The following CHST15 variants were observed in gnomAD, a reference collection of about 807,000 sequenced individuals.
The protein encoded by CHST15 is carbohydrate sulfotransferase 15, also known as B cell RAG associated protein (GALNAC4S-6ST).
In CHST15, 30 loss-of-function variants were observed where a neutral mutation model predicts 53.6. That is an observed-to-expected ratio of 0.56 (90% CI 0.42 to 0.76). The LOEUF is 0.76. Ranked by LOEUF, CHST15 falls within the 30% of genes least tolerant of loss-of-function variation. CHST15 has a pLI of 0.00. For missense variants in CHST15, 627 were observed against 740.5 expected (o/e 0.85, Z 1.78); for synonymous variants, 296 against 289.8 (o/e 1.02, Z -0.22).
At chr10:124,075,639 A>G (rs1949053086) in intron 1 of CHST15, among the ~76,000 whole-genome samples, 1 of 152,122 alleles carries the variant, frequency 6.6e-6, no homozygotes, top group African/African-American at 2.4e-5. Flanking sequence ...CTTCCAATAA[A>G]AAAGTAACTT....
chr10:124,066,579 A>G (rs187934970), intron 1 of CHST15, among the ~76,000 whole-genome samples: 158 of 152,374 alleles, frequency 1.0e-3, no homozygotes, highest in Admixed American at 2.4e-3. Context: ...ACATCGCTGG[A>G]AAGTCTTTGG....
At chr10:124,092,794 C>T (rs1357294872) in intron 1 of CHST15, among the ~76,000 whole-genome samples, 2 of 152,238 alleles carry the variant, frequency 1.3e-5, no homozygotes, top group Non-Finnish European at 2.9e-5. Context: ...ATCCCCGTCC[C>T]CTACCGCCAA....
rs72833838 is a variant in CHST15 at position 124,029,609 on chromosome 10, C to A, written c.1191-8197G>T. Among the ~76,000 whole-genome samples the A allele has an allele frequency of 6.5e-3, 983 of 152,342 alleles. 3 individuals are homozygous for A. Among genetic ancestry groups the A allele is most frequent in the Middle Eastern group, 0.017 (5 of 294 alleles). On this transcript the variant is annotated intron_variant, in intron 5 of 7. Transcript: ENST00000435907. ...ACATCTCCGAGCCTGGCGTGGTTTACAAAGCACCTTCTCGTGATTCACCAG... is the reference window on the plus strand; with the variant it reads ...ACATCTCCGAGCCTGGCGTGGTTTAAAAAGCACCTTCTCGTGATTCACCAG...
chr10:124,036,254 A>C lies in CHST15; in HGVS notation c.1190+2261T>G, dbSNP rs1261005047. ...GGCTAGTGTGCGTCAGCCCTGCTGG[A>C]TGGAGGGAGACCACTCAGCAGGGCC... On this transcript the variant is annotated intron_variant, in intron 5 of 7. Transcript: ENST00000435907. The surrounding 1 kb of genome is among the most constrained non-coding windows in gnomAD (Gnocchi z 5.1). Among the ~76,000 whole-genome samples the C allele has an allele frequency of 6.6e-6, 1 of 152,148 alleles. No individual in the cohort carries two copies. The highest frequency in any genetic ancestry group is 1.9e-4 in the East Asian group (1 of 5,182).
At chr10:124,051,483 A>G (rs375538201) in intron 1 of CHST15, among the ~76,000 whole-genome samples, 1 of 152,320 alleles carries the variant, frequency 6.6e-6, no homozygotes, top group East Asian at 1.9e-4. Context: ...TTCAGAAAGG[A>G]GTCATGTATG....
chr10:124,015,913 G>A (rs1034659429), intron 6 of CHST15, among the ~76,000 whole-genome samples: 1 of 152,238 alleles, frequency 6.6e-6, no homozygotes, highest in Admixed American at 6.5e-5. Flanking sequence ...ACGAAGGAGG[G>A]AGTGGTGACG....
Position 124,009,537 on chromosome 10 carries a change from AG to A in CHST15, c.*611del. 1 of 988,706 alleles carries A rather than the reference AG, an allele frequency of 1.0e-6. No individual in the cohort carries two copies. The highest frequency in any genetic ancestry group is 1.2e-6 in the Non-Finnish European group (1 of 831,836). The allele number at this position is 988,706 out of a possible 1,614,324, so 61.2% of individuals were successfully genotyped here. A position where few individuals can be genotyped will look rare whatever the true frequency, so the allele number is the denominator to read the frequency against. Reference sequence around the variant, plus strand: ...AACTGGAGGGCTGAGTTTGGAGTAAAGGAGAAAAAAAAAATGAAGAGCCTCC... The same window carrying A: ...AACTGGAGGGCTGAGTTTGGAGTAAAGAGAAAAAAAAAATGAAGAGCCTCC... On this transcript the variant is annotated 3_prime_UTR_variant, in exon 8 of 8. Transcript: ENST00000435907.
intron 7 of CHST15, chr10:124,011,611 C>A: frequency 1.0e-6 from 1 of 985,454 alleles, no homozygotes; most frequent in Non-Finnish European, 1.2e-6. Context: ...GGTGCCCCGT[C>A]CACATGGGCA....
intron 5 of CHST15, among the ~76,000 whole-genome samples, chr10:124,034,814 CGGCTCCGCCCCCTAACGGGGACCCT>C (rs1947384797): frequency 7.1e-6 from 1 of 141,440 alleles, no homozygotes. Flanking sequence ...ACGGGGACCC[CGGCTCCGCCCCCTAACGGGGACCCT>C]GGTTCTACCC....
At chr10:124,079,685 CAG>C (rs1949178371) in intron 1 of CHST15, among the ~76,000 whole-genome samples, 1 of 152,208 alleles carries the variant, frequency 6.6e-6, no homozygotes, top group Non-Finnish European at 1.5e-5. Context: ...GACGAGGAGA[CAG>C]AAACAGCTGG....
chr10:124,044,810 A>T lies in CHST15; in HGVS notation c.656T>A (p.Val219Glu). The change falls in exon 3 of 8, where the codon GTG becomes GAG. Residue 219 changes from valine (V) to glutamate (E), a missense_variant. By Grantham distance (121) the Val-to-Glu change is moderately radical. This residue lies in a region of CHST15 where 161 missense variants were observed against 117.2 expected (regional missense o/e 1.37). Transcript: ENST00000435907. Reference protein sequence around the residue: ...TTDPYLTNSYVLYSKRFRSTF... With the variant: ...TTDPYLTNSYELYSKRFRSTF... The stretch of plus-strand genomic sequence containing the variant: ...GGAGCGGAAGCGCTTGGAGTAGAGC[A>T]CGTAGGAGTTGGTGAGGTAGGGGTC... 6.3e-7 allele frequency: 1 copy of T among 1,594,594 alleles called. No individual in the cohort carries two copies. The highest frequency in any genetic ancestry group is 8.6e-7 in the Non-Finnish European group (1 of 1,168,356).
chr10:124,039,759 G>GTGTGTGCGTGTA (rs1446364509), intron 4 of CHST15, among the ~76,000 whole-genome samples: 3 of 152,244 alleles, frequency 2.0e-5, no homozygotes, highest in African/African-American at 4.8e-5. Context: ...GAGAGACAGT[G>GTGTGTGCGTGTA]TGTGTGCGTG....
At chr10:124,059,546 G>A (rs1171213578) in intron 1 of CHST15, among the ~76,000 whole-genome samples, 2 of 152,190 alleles carry the variant, frequency 1.3e-5, no homozygotes, top group African/African-American at 2.4e-5. Flanking sequence ...CTGACTTCAC[G>A]AAGAGTGAAA....
rs755457867 is a variant in CHST15 at position 124,021,238 on chromosome 10, G to GGGC, written c.1347+17_1347+18insGCC. ...GCCAGGGGCCAGCTCGGGGGGTACGGGGGGGGGGGGTACACACAGGCATGG... is the reference window on the plus strand; with the variant it reads ...GCCAGGGGCCAGCTCGGGGGGTACGGGGCGGGGGGGGGGTACACACAGGCATGG... On this transcript the variant is annotated intron_variant, in intron 6 of 7. Transcript: ENST00000435907. The GGGC allele has an allele frequency of 2.6e-6, 2 of 770,888 alleles. No individual in the cohort carries two copies. The highest frequency in any genetic ancestry group is 3.4e-6 in the Non-Finnish European group (2 of 588,104). The allele number at this position is 770,888 out of a possible 1,614,324, so 47.8% of individuals were successfully genotyped here.
In CHST15 at chr10:124,042,361, G is replaced by A. The variant is rs1194657869; in HGVS notation, c.973C>T (p.His325Tyr). ...DLFDLAAHQI[H>Y]QGLQASSAKE... ...GCAGAGCTGGCCTGCAGTCCTTGAT[G>A]GATCTGGTGTGCGGCCAGGTCAAAG... The change falls in exon 4 of 8, where the codon CAT becomes TAT. Residue 325 changes from histidine to tyrosine, a missense_variant. Physicochemically the swap from His to Tyr is moderately conservative, Grantham distance 83. Transcript: ENST00000435907. 1 of 1,614,086 alleles carries A rather than the reference G, an allele frequency of 6.2e-7. No homozygotes were observed. The highest frequency in any genetic ancestry group is 1.7e-5 in the Admixed American group (1 of 60,008).
At chr10:124,034,296 G>A (rs141486784) in intron 5 of CHST15, among the ~76,000 whole-genome samples, 57 of 152,264 alleles carry the variant, frequency 3.7e-4, no homozygotes, top group African/African-American at 1.3e-3. Flanking sequence ...AAGAAAACAC[G>A]GTGACTACTT....
chr10:124,031,988 C>CA (rs1947244010), intron 5 of CHST15, among the ~76,000 whole-genome samples: 1 of 152,206 alleles, frequency 6.6e-6, no homozygotes, highest in African/African-American at 2.4e-5. Context: ...ACTCTGCAGA[C>CA]AGAGTGAAAC....
At chr10:124,023,501 AGGT>A (rs952193888) in intron 5 of CHST15, among the ~76,000 whole-genome samples, 24 of 146,546 alleles carry the variant, frequency 1.6e-4, no homozygotes, top group Non-Finnish European at 3.3e-4. Flanking sequence ...AAAAAAAAAG[AGGT>A]GTTTTTATCT....
In CHST15 at chr10:124,037,075, T is replaced by C. The variant is rs1035204359; in HGVS notation, c.1190+1440A>G. ...GCTGCCGGCACTCCTTGGCACCCCT[T>C]GGCTGGTGGCAGCATCACTCCAGCC... On this transcript the variant is annotated intron_variant, in intron 5 of 7. Transcript: ENST00000435907. Among the ~76,000 whole-genome samples the C allele has an allele frequency of 9.9e-5, 15 of 152,154 alleles. No homozygotes were observed. In the East Asian group the frequency reaches 2.9e-3, roughly 29 times the overall value.
Sources: gnomAD v4.1 joint callset for allele counts (sites outside exome capture counted in the v4.1 genomes callset) on GRCh38, gnomAD v4.1.1 for gene constraint, gnomAD v4.1.1 regional missense constraint, Gnocchi (gnomAD v3.1) non-coding constraint, MANE v1.5 for transcripts, NCBI Gene and HGNC (gene_info 2026-07-23, HGNC 2026-07-21) for gene names.